The following CABIN1 variants were observed in gnomAD, a reference collection of about 807,000 sequenced individuals.
CABIN1 encodes calcineurin binding protein 1.
A neutral mutation model predicts 227.7 loss-of-function variants in CABIN1; 133 were observed. That is an observed-to-expected ratio of 0.58 (90% CI 0.51 to 0.67). The LOEUF (loss-of-function observed/expected upper bound fraction) is 0.67. CABIN1 is among the 30% of genes least tolerant of loss of function. CABIN1 has a pLI of 0.00. For synonymous variants in CABIN1, 1,086 were observed against 1,155.1 expected, an observed-to-expected ratio of 0.94 and a Z score of 1.21; for missense variants, 2,408 against 2,852.5, an observed-to-expected ratio of 0.84 and a Z score of 3.55.
In CABIN1 at chr22:24,164,460, A is replaced by C; in HGVS notation, c.4807A>C (p.Asn1603His). ...GCCGGGCAGCTTTGCCTGGCACATG[A>C]ACCGCTCCATCGTGCTGCTGCTCAA... Reference protein sequence around the residue: ...DRPGSFAWHMNRSIVLLLKVL... With the variant: ...DRPGSFAWHMHRSIVLLLKVL... The change falls in exon 30 of 37, where the codon AAC becomes CAC. Residue 1603 changes from asparagine (N) to histidine (H), a missense_variant. Asn to His is a moderately conservative substitution (Grantham distance 68). This residue lies in a region of CABIN1 where 649 missense variants were observed against 910.3 expected (regional missense o/e 0.71). Transcript: ENST00000263119. 6.2e-7 allele frequency: 1 copy of C among 1,605,962 alleles called. No homozygotes were observed. The highest frequency in any genetic ancestry group is 8.5e-7 in the Non-Finnish European group (1 of 1,179,964).
At chr22:24,107,936 A>C (rs2042605767) in intron 26 of CABIN1, among the ~76,000 whole-genome samples, 1 of 152,204 alleles carries the variant, frequency 6.6e-6, no homozygotes, top group East Asian at 1.9e-4. Context: ...ACCCAGCCCT[A>C]GCTTGTCTTT....
At chr22:24,021,666 C>T (rs769973214) in intron 1 of CABIN1, among the ~76,000 whole-genome samples, 5 of 151,800 alleles carry the variant, frequency 3.3e-5, no homozygotes, top group Admixed American at 1.3e-4. Flanking sequence ...GTTTATGTGT[C>T]CTTGCATCTC....
intron 26 of CABIN1, chr22:24,098,432 G>C (rs948332530): frequency 1.4e-6 from 1 of 736,082 alleles, no homozygotes; most frequent in African/African-American, 1.7e-5. Context: ...GAGGGGGCAG[G>C]CCAGGCTATG....
Position 24,165,497 on chromosome 22 carries a change from C to T in CABIN1, c.4911-33C>T, listed in dbSNP as rs541385060. The T allele has an allele frequency of 4.4e-6, 7 of 1,587,028 alleles. No homozygotes were observed. The African/African-American group carries it at 8.0e-5, about 18-fold the overall frequency. ...GTGCCATGTGGTGTCAGATGCCCTC[C>T]TGTCCTCTCTGACTACCCCTGTATG... On this transcript the variant is annotated intron_variant, in intron 30 of 36. Transcript: ENST00000263119.
chr22:24,083,147 T>C, intron 19 of CABIN1, 81 bp from the exon 20 acceptor site: 3 of 1,416,592 alleles, frequency 2.1e-6, no homozygotes, highest in African/African-American at 2.8e-5. Context: ...GATAGAGTGG[T>C]GGTTTCTCTG....
intron 1 of CABIN1, chr22:24,011,642 T>C (rs926931899): frequency 1.3e-5 from 2 of 152,258 alleles, no homozygotes; most frequent in African/African-American, 4.8e-5. Flanking sequence ...GGAGCCACCA[T>C]TGATTTGGCG....
At chr22:24,087,882 A>G (rs2041273357) in intron 23 of CABIN1, among the ~76,000 whole-genome samples, 169 bp downstream of exon 23, 1 of 152,194 alleles carries the variant, frequency 6.6e-6, no homozygotes, top group Non-Finnish European at 1.5e-5. Flanking sequence ...GGTCAGTGAC[A>G]ACTTGGTCCC....
At chr22:24,023,194 G>A (rs2035848594) in intron 1 of CABIN1, among the ~76,000 whole-genome samples, 1 of 152,090 alleles carries the variant, frequency 6.6e-6, no homozygotes, top group African/African-American at 2.4e-5. Flanking sequence ...TGTTTTCAAG[G>A]TTCATTCATG....
chr22:24,059,840 T>G, intron 11 of CABIN1, 84 bp from the exon 12 acceptor site: 1 of 1,189,300 alleles, frequency 8.4e-7, no homozygotes, highest in Non-Finnish European at 1.2e-6. Flanking sequence ...GAGGGAACAG[T>G]CTTTACTGTC....
intron 1 of CABIN1, among the ~76,000 whole-genome samples, chr22:24,023,822 C>T (rs9624388): frequency 0.068 from 10,332 of 151,994 alleles, 371 homozygotes; most frequent in East Asian, 0.16. Flanking sequence ...CAAACTCTGC[C>T]TCCCGGGCCC....
intron 26 of CABIN1, among the ~76,000 whole-genome samples, chr22:24,099,287 A>T (rs2042073649): frequency 6.6e-6 from 1 of 152,186 alleles, no homozygotes; most frequent in African/African-American, 2.4e-5. Context: ...GAGAAGGATG[A>T]CAAGGGGGCC....
intron 28 of CABIN1, among the ~76,000 whole-genome samples, chr22:24,126,632 A>G (rs2043741759): frequency 6.6e-6 from 1 of 152,168 alleles, no homozygotes; most frequent in Admixed American, 6.5e-5. Context: ...GAGGAAGAAG[A>G]TGAGGTCAGA....
intron 25 of CABIN1, among the ~76,000 whole-genome samples, chr22:24,097,764 G>A (rs980062602): frequency 6.6e-6 from 1 of 152,164 alleles, no homozygotes; most frequent in Non-Finnish European, 1.5e-5. Context: ...GAGCCTCTTG[G>A]GGCCTGAAAT....
intron 15 of CABIN1, among the ~76,000 whole-genome samples, chr22:24,064,512 G>GTTTTTTTTTTTTTTTTTTTTTTTTTTT (rs782268156): frequency 9.4e-6 from 1 of 106,900 alleles, no homozygotes; most frequent in Non-Finnish European, 1.8e-5. Context: ...CAGCTGAAAG[G>GTTTTTTTTTTTTTTTTTTTTTTTTTTT]TTTTTTTTTT....
intron 6 of CABIN1, among the ~76,000 whole-genome samples, chr22:24,043,905 T>G (rs117011550): frequency 6.6e-6 from 1 of 152,198 alleles, no homozygotes. Flanking sequence ...GGGACAGATA[T>G]AGGACAAACA....
At chr22:24,110,672 C>T (rs2042760755) in intron 26 of CABIN1, among the ~76,000 whole-genome samples, 1 of 151,600 alleles carries the variant, frequency 6.6e-6, no homozygotes, top group South Asian at 2.1e-4. Flanking sequence ...GATATTTTCA[C>T]TGAGTATAGA....
At chr22:24,038,791 A>G (rs555134588) in intron 4 of CABIN1, among the ~76,000 whole-genome samples, 11 of 152,196 alleles carry the variant, frequency 7.2e-5, no homozygotes, top group Non-Finnish European at 1.3e-4. Context: ...TGAGGTCTTG[A>G]TGGCTCAAAG....
chr22:24,165,451 G>T, intron 30 of CABIN1, 79 bp from the exon 31 acceptor site: 2 of 1,279,432 alleles, frequency 1.6e-6, no homozygotes, highest in East Asian at 2.4e-5. Flanking sequence ...GGCAGGGATG[G>T]GCAGTGGCCA....
chr22:24,170,136 T>C, intron 33 of CABIN1: 1 of 458,586 alleles, frequency 2.2e-6, no homozygotes, highest in Non-Finnish European at 4.4e-6. Context: ...CAGACCCTGG[T>C]GCGGTGGGGG....
Sources: allele counts gnomAD v4.1 joint callset (sites outside exome capture counted in the v4.1 genomes callset), GRCh38; gene constraint gnomAD v4.1.1; regional missense constraint gnomAD v4.1.1; transcripts MANE v1.5; gene names NCBI Gene and HGNC (gene_info 2026-07-23, HGNC 2026-07-21).